IPP: variants seen among roughly 807,000 people sequenced by gnomAD.
The protein encoded by IPP is actin-binding protein IPP.
Under a neutral mutation model 64.1 loss-of-function variants are expected in IPP, and 41 were observed. The ratio of observed to expected loss-of-function variants is 0.64; its 90% CI spans 0.50 to 0.83. The LOEUF (loss-of-function observed/expected upper bound fraction) is 0.83, where lower values mean the gene tolerates loss of function less well. IPP is among the 40% of genes least tolerant of loss of function. The probability of loss-of-function intolerance (pLI) is 0.00; values close to 1 mark genes in which losing one functional copy is unlikely to be tolerated. For missense variants in IPP, 649 were observed against 703.0 expected, an observed-to-expected ratio of 0.92 and a Z score of 0.87; for synonymous variants, 214 against 235.2, an observed-to-expected ratio of 0.91 and a Z score of 0.83.
At chr1:45,721,402 A>C (rs1645729365) in intron 5 of IPP, among the ~76,000 whole-genome samples, 1 of 152,106 alleles carries the variant, frequency 6.6e-6, no homozygotes, top group African/African-American at 2.4e-5. Flanking sequence ...GCCTGCAAAA[A>C]CCTTGGGCAC....
At chr1:45,736,915 C>T (rs1486249767) in intron 3 of IPP, among the ~76,000 whole-genome samples, 2 of 151,648 alleles carry the variant, frequency 1.3e-5, no homozygotes, top group East Asian at 1.9e-4. Flanking sequence ...TGGTGGCGGG[C>T]GCCCGTAGTC....
intron 3 of IPP, among the ~76,000 whole-genome samples, 151 bp downstream of exon 3, chr1:45,740,746 TAATC>T (rs955151616): frequency 6.6e-6 from 1 of 152,122 alleles, no homozygotes; most frequent in Non-Finnish European, 1.5e-5. Flanking sequence ...AGTTGTATCT[TAATC>T]ATTCAATACA....
Position 45,729,552 on chromosome 1 carries a change from T to C in IPP, c.880+62A>G. On this transcript the variant is annotated intron_variant, in intron 4 of 8. Coordinates refer to ENST00000396478, the MANE Select transcript of IPP (RefSeq NM_005897.3). The stretch of plus-strand genomic sequence containing the variant: ...CATGTATAGTAATAACAACAAAATA[T>C]TAAAAAGGTTTGATCTGGAACACAA... 3.0e-6 allele frequency: 4 copies of C among 1,312,184 alleles called. No individual in the cohort carries two copies. The South Asian group carries it at 5.1e-5, about 17-fold the overall frequency. 81.3% of individuals were successfully genotyped at this position (1,312,184 alleles called of 1,614,324 possible). A position where few individuals can be genotyped will look rare whatever the true frequency, so the allele number is the denominator to read the frequency against.
intron 8 of IPP, 29 bp downstream of exon 8, chr1:45,714,196 GACATTAAAAGAATATCAGGAT>G: frequency 3.1e-6 from 4 of 1,285,890 alleles, no homozygotes; most frequent in Non-Finnish European, 4.5e-6. Flanking sequence ...AGATCTTACA[GACATTAAAAGAATATCAGGAT>G]ACTAAATATC....
Position 45,700,790 on chromosome 1 carries a change from C to T in IPP, c.1531-600G>A, listed in dbSNP as rs186204128. 3.3e-5 allele frequency among the ~76,000 whole-genome samples: 5 copies of T among 152,262 alleles called. No individual in the cohort carries two copies. In the East Asian group the frequency reaches 5.8e-4, roughly 18 times the overall value. The stretch of plus-strand genomic sequence containing the variant: ...TCTAAGAAACAAAGTCTATGGAATA[C>T]AAGTAGGTAATACACTCAAAAATAA... On this transcript the variant is annotated intron_variant, in intron 8 of 8. Coordinates refer to ENST00000396478, the MANE Select transcript of IPP (RefSeq NM_005897.3).
At chr1:45,706,436 GA>G (rs949309147) in intron 8 of IPP, among the ~76,000 whole-genome samples, 3 of 151,950 alleles carry the variant, frequency 2.0e-5, no homozygotes, top group African/African-American at 7.2e-5. Flanking sequence ...TCTCATCTCT[GA>G]AAAAAATTTT....
chr1:45,694,791 G>C (rs551112548), downstream of IPP: 1 of 277,332 alleles, frequency 3.6e-6, no homozygotes, highest in Non-Finnish European at 6.7e-6. Flanking sequence ...ATTTTCAAAG[G>C]AAACTATTTA....
intron 1 of IPP, 69 bp downstream of exon 1, chr1:45,750,528 A>G (rs956028818): frequency 2.6e-5 from 4 of 152,324 alleles, no homozygotes; most frequent in African/African-American, 9.6e-5. Flanking sequence ...GGGTCCGGAA[A>G]GCCGGAGGGA....
At chr1:45,730,289 T>C (rs1645889814) in intron 3 of IPP, among the ~76,000 whole-genome samples, 1 of 151,968 alleles carries the variant, frequency 6.6e-6, no homozygotes, top group African/African-American at 2.4e-5. Context: ...GAAGCAGAGT[T>C]TGCAGTGAAG....
At chr1:45,725,055 G>A (rs1645795839) in intron 5 of IPP, among the ~76,000 whole-genome samples, 1 of 149,352 alleles carries the variant, frequency 6.7e-6, no homozygotes, top group African/African-American at 2.5e-5. Flanking sequence ...GCCCCGTCCG[G>A]GAGGGAGGTG....
chr1:45,732,648 CATTTAAAGT>C (rs1645926463), intron 3 of IPP, among the ~76,000 whole-genome samples: 1 of 148,048 alleles, frequency 6.8e-6, no homozygotes, highest in Non-Finnish European at 1.5e-5. Flanking sequence ...CCAAATGAAA[CATTTAAAGT>C]ATTTTTATTT....
downstream of IPP, chr1:45,698,564 C>G (rs985726887): frequency 1.4e-5 from 6 of 426,094 alleles, no homozygotes; most frequent in South Asian, 9.8e-5. Context: ...CCTCTACATC[C>G]AAGCAGTAGC....
At chr1:45,700,633 C>T (rs945567742) in intron 8 of IPP, among the ~76,000 whole-genome samples, 22 of 152,200 alleles carry the variant, frequency 1.4e-4, no homozygotes, top group Admixed American at 5.9e-4. Flanking sequence ...CCACAGCACC[C>T]GGCCCAGAAT....
At chr1:45,734,551 C>T (rs1645951898) in intron 3 of IPP, among the ~76,000 whole-genome samples, 1 of 152,136 alleles carries the variant, frequency 6.6e-6, no homozygotes, top group Non-Finnish European at 1.5e-5. Context: ...GATCCTCCCC[C>T]ATCGGCCTCC....
downstream of IPP, among the ~76,000 whole-genome samples, chr1:45,697,617 A>G (rs1212877297): frequency 6.6e-6 from 1 of 152,156 alleles, no homozygotes; most frequent in Non-Finnish European, 1.5e-5. Flanking sequence ...TTTCTATCTA[A>G]ATAAGTTGAT....
chr1:45,740,870 C>T (rs756163740), intron 3 of IPP, 31 bp downstream of exon 3: 19 of 1,368,012 alleles, frequency 1.4e-5, no homozygotes, highest in South Asian at 4.2e-5. Context: ...GATAATTAAT[C>T]AACTAATTCG....
intron 8 of IPP, among the ~76,000 whole-genome samples, chr1:45,713,601 G>A (rs1269426022): frequency 2.0e-5 from 3 of 151,858 alleles, no homozygotes; most frequent in African/African-American, 4.8e-5. Flanking sequence ...GTCTCTTGCT[G>A]TTACCGAGGC....
At chr1:45,725,367 A>AC (rs1645806599) in intron 5 of IPP, among the ~76,000 whole-genome samples, 1 of 122,594 alleles carries the variant, frequency 8.2e-6, no homozygotes, top group Non-Finnish European at 1.7e-5. Context: ...CCGGCCAGCC[A>AC]CCCCATCCGG....
intron 8 of IPP, among the ~76,000 whole-genome samples, chr1:45,705,479 C>G (rs1050383053): frequency 2.0e-5 from 3 of 152,082 alleles, no homozygotes; most frequent in African/African-American, 7.2e-5. Context: ...CCCTAAAGAC[C>G]TAGAAAACTA....
Sources: gnomAD v4.1 joint callset for allele counts (sites outside exome capture counted in the v4.1 genomes callset) on GRCh38, gnomAD v4.1.1 for gene constraint, MANE v1.5 for transcripts, NCBI Gene and HGNC (gene_info 2026-07-23, HGNC 2026-07-21) for gene names.